Variants in CCDC61 observed in about 807,000 individuals in gnomAD.
CCDC61 encodes centrosomal protein CCDC61.
CCDC61 carries 55 observed loss-of-function variants against 63.0 expected under a neutral mutation model. The observed-to-expected ratio is 0.87, with a 90% confidence interval of 0.70 to 1.09. CCDC61 has a LOEUF of 1.09. CCDC61 is among the 50% of genes least tolerant of loss of function. The probability of loss-of-function intolerance (pLI) is 0.00; values close to 1 mark genes in which losing one functional copy is unlikely to be tolerated. For synonymous variants in CCDC61, 270 were observed against 317.0 expected, an observed-to-expected ratio of 0.85 and a Z score of 1.58; for missense variants, 651 against 731.4, an observed-to-expected ratio of 0.89 and a Z score of 1.27.
In CCDC61 at chr19:46,018,299, C is replaced by T. The variant is rs374857754; in HGVS notation, c.1451C>T (p.Ser484Leu). ...GGWVPIKEYS[S>L]EHQAADMAEI... Reference sequence around the variant, plus strand: ...ACACCTGCTCTCACAGAGTACAGCTCGGAGCACCAGGCGGCTGACATGGCC... The same window carrying T: ...ACACCTGCTCTCACAGAGTACAGCTTGGAGCACCAGGCGGCTGACATGGCC... Residue 484 changes from serine (S) to leucine (L), a missense_variant, in exon 14 of 14, where the codon TCG (serine) becomes TTG (leucine). Coordinates refer to ENST00000595358, the MANE Select transcript of CCDC61 (RefSeq NM_001267723.2). This position sits in a 1 kb window ranked among gnomAD's most constrained non-coding sequence, Gnocchi z 4.2. 1.2e-4 allele frequency: 192 copies of T among 1,567,836 alleles called. No homozygotes were observed. Among genetic ancestry groups the T allele is most frequent in the Admixed American group, 1.7e-4 (9 of 52,906 alleles).
At position 46,017,255 on chromosome 19, in the gene CCDC61, G is replaced by A. The variant is rs1192247060; in HGVS notation, c.1319G>A (p.Arg440His). The change falls in exon 12 of 14, where the codon CGC (arginine) becomes CAC (histidine). Residue 440 changes from arginine (R) to histidine (H), a missense_variant. Transcript: ENST00000595358. ...FSESLSRGGHRRRGKPPSPTP... is the reference protein window; with the variant it reads ...FSESLSRGGHHRRGKPPSPTP... ...TTACTCCTTTTTCTCAGGGGTCACC[G>A]CCGCCGTGGGAAGCCTCCCAGCCCA... 19 of 1,563,636 alleles carry A rather than the reference G, an allele frequency of 1.2e-5. No individual in the cohort carries two copies. The highest frequency in any genetic ancestry group is 1.5e-5 in the Non-Finnish European group (17 of 1,153,696).
chr19:45,997,272 A>G (rs571284280), intron 1 of CCDC61, among the ~76,000 whole-genome samples: 51 of 152,314 alleles, frequency 3.3e-4, no homozygotes, highest in African/African-American at 1.2e-3. Context: ...CTCCGCTCAG[A>G]CGTCAGCTTC....
chr19:46,017,302 A>G lies in CCDC61; in HGVS notation c.1366A>G (p.Met456Val), dbSNP rs2146491380. 1.9e-6 allele frequency: 3 copies of G among 1,560,576 alleles called. No individual in the cohort carries two copies. The highest frequency in any genetic ancestry group is 4.8e-5 in the East Asian group (2 of 41,786). The change falls in exon 12 of 14, where the codon ATG becomes GTG. Residue 456 changes from methionine to valine, a missense_variant and splice_region_variant. By Grantham distance (21) the Met-to-Val change is conservative. Coordinates refer to ENST00000595358, the MANE Select transcript of CCDC61 (RefSeq NM_001267723.2). ...PSPTPWSGSN[M>V]KSPPVERSHH... ...CCCAACGCCCTGGAGTGGGTCCAAT[A>G]TGGTGAGTAGAAGGGGCAACATAAA...
rs59269540 is a variant in CCDC61, at chr19:46,018,089, C to T, written c.1380C>T (p.Pro460=). ...TTCCCCATCACCAGAAGTCTCCCCC[C>T]GTGGAACGCAGCCACCATCAGAAAT... ...PWSGSNMKSP[P]VERSHHQKSL... Residue 460 remains proline, a synonymous_variant, in exon 13 of 14, where the codon CCC becomes CCT. Transcript: ENST00000595358. The surrounding 1 kb of genome is among the most constrained non-coding windows in gnomAD (Gnocchi z 4.2). 2.5e-5 allele frequency: 41 copies of T among 1,610,334 alleles called. No homozygotes were observed. The highest frequency in any genetic ancestry group is 1.3e-4 in the African/African-American group (10 of 74,868).
rs1968475668 is a variant in CCDC61, at chr19:45,995,520, A to C, written c.-12+16A>C. ...AGTGGAGAAGGTGAGAGGCCGCGGG[A>C]GTGGCGGTTGCGCGGGCCGTGGTGG... On this transcript the variant is annotated intron_variant, in intron 1 of 13. Coordinates refer to ENST00000595358, the MANE Select transcript of CCDC61 (RefSeq NM_001267723.2). 1 of 512,572 alleles carries C rather than the reference A, an allele frequency of 2.0e-6. No individual in the cohort carries two copies. The highest frequency in any genetic ancestry group is 2.0e-5 in the African/African-American group (1 of 50,448). 31.8% of individuals were successfully genotyped at this position (512,572 alleles called of 1,614,324 possible).
chr19:46,003,821 G>A (rs530040371), intron 3 of CCDC61, among the ~76,000 whole-genome samples: 88 of 6,734 alleles, frequency 0.013, no homozygotes, highest in African/African-American at 0.076. Context: ...TTCCAAATAC[G>A]TGTGTGTGTG....
Position 46,004,836 on chromosome 19 carries a change from T to TC in CCDC61, c.231+1335_231+1336insC, listed in dbSNP as rs1491338555. Reference sequence around the variant, plus strand: ...CAGGGATGGGTGGTATTTAGATATCTTTTTTTTTTTTTTTTTTTTTTTTTT... The same window carrying TC: ...CAGGGATGGGTGGTATTTAGATATCTCTTTTTTTTTTTTTTTTTTTTTTTTT... On this transcript the variant is annotated intron_variant, in intron 3 of 13. Coordinates refer to ENST00000595358, the MANE Select transcript of CCDC61 (RefSeq NM_001267723.2). Among the ~76,000 whole-genome samples the TC allele has an allele frequency of 2.6e-3, 205 of 79,806 alleles. 2 individuals carry two copies. Among genetic ancestry groups the TC allele is most frequent in the African/African-American group, 9.3e-3 (190 of 20,326 alleles). 52.4% of individuals were successfully genotyped at this position (79,806 alleles called of 152,430 possible). A position where few individuals can be genotyped will look rare whatever the true frequency, so the allele number is the denominator to read the frequency against.
intron 1 of CCDC61, among the ~76,000 whole-genome samples, chr19:46,000,611 C>T (rs1968572295): frequency 6.6e-6 from 1 of 151,736 alleles, no homozygotes; most frequent in Non-Finnish European, 1.5e-5. Context: ...GGACAAGTGA[C>T]GGGCAGCTGG....
intron 12 of CCDC61, among the ~76,000 whole-genome samples, chr19:46,017,529 A>G (rs1234280522): frequency 2.1e-5 from 3 of 142,108 alleles, no homozygotes; most frequent in African/African-American, 7.6e-5. Context: ...CCTATGGAGT[A>G]GCTGGGACTA....
chr19:46,017,550 G>T (rs74556344), intron 12 of CCDC61, among the ~76,000 whole-genome samples: 28 of 151,766 alleles, frequency 1.8e-4, no homozygotes, highest in Admixed American at 3.9e-4. Flanking sequence ...GGCTTTTTTG[G>T]GGGGGCAGGG....
chr19:46,008,227 G>A lies in CCDC61; in HGVS notation c.477G>A (p.Leu159=), dbSNP rs1472437235. ...TCATCCGGTCACTGAAGGAGGAACT[G>A]GGCCGCCTGCAAGGGCTGGATGGCC... is the stretch of plus-strand genomic sequence containing the variant. The part of the protein sequence containing the change: ...QGIIRSLKEE[L]GRLQGLDGQN... The change falls in exon 5 of 14, where the codon CTG becomes CTA. Residue 159 remains leucine, a synonymous_variant. Transcript: ENST00000595358. 1 of 1,613,194 alleles carries A rather than the reference G, an allele frequency of 6.2e-7. No individual in the cohort carries two copies. The highest frequency in any genetic ancestry group is 2.2e-5 in the East Asian group (1 of 44,864).
chr19:46,001,193 ATTTG>A (rs937460995), intron 1 of CCDC61, among the ~76,000 whole-genome samples: 29 of 152,016 alleles, frequency 1.9e-4, no homozygotes, highest in African/African-American at 6.8e-4. Context: ...ATATGCGGCA[ATTTG>A]TTTGCAGCAA....
chr19:46,003,061 G>C lies in CCDC61; in HGVS notation c.43G>C (p.Gly15Arg). The C allele has an allele frequency of 6.3e-7, 1 of 1,599,904 alleles. No individual in the cohort carries two copies. The highest frequency in any genetic ancestry group is 8.5e-7 in the Non-Finnish European group (1 of 1,173,446). Residue 15 changes from glycine to arginine, a missense_variant, in exon 2 of 14, where the codon GGT (glycine) becomes CGT (arginine). Physicochemically the swap from Gly to Arg is moderately radical, Grantham distance 125. Coordinates refer to ENST00000595358, the MANE Select transcript of CCDC61 (RefSeq NM_001267723.2). ...CCTGCAGGTGGACTACGTCTTCCGG[G>C]GTGTGGAGCATGCCGTGCGGGTGAT... ...AGLQVDYVFR[G>R]VEHAVRVMVS...
intron 5 of CCDC61, among the ~76,000 whole-genome samples, chr19:46,013,949 C>T (rs921399576): frequency 2.6e-5 from 4 of 152,046 alleles, no homozygotes; most frequent in Non-Finnish European, 5.9e-5. Context: ...GTTTTAGTCA[C>T]CTCCTATAAT....
rs7271 is a variant in CCDC61 at position 46,015,424 on chromosome 19, G to T, written c.842G>T (p.Arg281Met). Residue 281 changes from arginine (R) to methionine (M), a missense_variant, in exon 7 of 14, where the codon AGG becomes ATG. By Grantham distance (91) the Arg-to-Met change is moderately conservative. Coordinates refer to ENST00000595358, the MANE Select transcript of CCDC61 (RefSeq NM_001267723.2). This position sits in a 1 kb window ranked among gnomAD's most constrained non-coding sequence, Gnocchi z 5.3. ...TLTSELALYK[R>M]GRRTPPVQPP... Reference sequence around the variant, plus strand: ...ACCAGCGAGCTGGCATTGTACAAGAGGGGGTGAGAGCGAGGCCTGCCAGGC... The same window carrying T: ...ACCAGCGAGCTGGCATTGTACAAGATGGGGTGAGAGCGAGGCCTGCCAGGC... 3 of 1,598,912 alleles carry T rather than the reference G, an allele frequency of 1.9e-6. No individual in the cohort carries two copies. The highest frequency in any genetic ancestry group is 2.7e-5 in the African/African-American group (2 of 74,756).
At position 46,016,273 on chromosome 19, in the gene CCDC61, G is replaced by C. The variant is rs534397820; in HGVS notation, c.1016-45G>C. On this transcript the variant is annotated intron_variant, in intron 8 of 13. Coordinates refer to ENST00000595358, the MANE Select transcript of CCDC61 (RefSeq NM_001267723.2). This position sits in a 1 kb window ranked among gnomAD's most constrained non-coding sequence, Gnocchi z 7.2. ...GGAGGGGACGCACTGGCGCTGCCAA[G>C]GCCCGTCTCCGGACCTAGCCGCCTC... The C allele has an allele frequency of 9.3e-5, 150 of 1,608,962 alleles. No homozygotes were observed. The highest frequency in any genetic ancestry group is 1.1e-4 in the Non-Finnish European group (134 of 1,177,482).
intron 4 of CCDC61, 108 bp from the exon 5 acceptor site, chr19:46,008,031 GT>G: frequency 2.4e-6 from 3 of 1,234,874 alleles, no homozygotes; most frequent in Non-Finnish European, 2.2e-6. Context: ...GGACAGTGCA[GT>G]TTTTGGAATT....
At chr19:46,005,184 A>G (rs924363900) in intron 3 of CCDC61, among the ~76,000 whole-genome samples, 1 of 151,852 alleles carries the variant, frequency 6.6e-6, no homozygotes, top group Non-Finnish European at 1.5e-5. Context: ...CTAATTTTGT[A>G]TTTTTAGTAG....
chr19:46,010,141 C>T (rs561242602), intron 5 of CCDC61, among the ~76,000 whole-genome samples: 4 of 152,340 alleles, frequency 2.6e-5, no homozygotes, highest in African/African-American at 9.6e-5. Flanking sequence ...GGTCTAAGCA[C>T]TGTGGATAGA....
Sources: gnomAD v4.1 joint callset for allele counts (sites outside exome capture counted in the v4.1 genomes callset) on GRCh38, gnomAD v4.1.1 for gene constraint, Gnocchi (gnomAD v3.1) non-coding constraint, MANE v1.5 for transcripts, NCBI Gene and HGNC (gene_info 2026-07-23, HGNC 2026-07-21) for gene names.